The following ENOX1 variants were observed in gnomAD, a reference collection of about 807,000 sequenced individuals.
The protein encoded by ENOX1 is ecto-NOX disulfide-thiol exchanger 1.
A neutral mutation model predicts 82.5 loss-of-function variants in ENOX1; 42 were observed. The observed-to-expected ratio is 0.51, with a 90% CI of 0.40 to 0.66. The LOEUF (loss-of-function observed/expected upper bound fraction) is 0.66, where lower values mean the gene tolerates loss of function less well. Ranked by LOEUF, ENOX1 falls within the 30% of genes least tolerant of loss-of-function variation. ENOX1 has a pLI of 0.00. For synonymous variants in ENOX1, 271 were observed against 282.2 expected (o/e 0.96, Z 0.40); for missense variants, 608 against 811.6 (o/e 0.75, Z 3.05).
At chr13:43,444,317 G>A (rs1250257260) in intron 3 of ENOX1, among the ~76,000 whole-genome samples, 1 of 152,152 alleles carries the variant, frequency 6.6e-6, no homozygotes, top group Non-Finnish European at 1.5e-5. Context: ...CAAGGAGAGC[G>A]GATCATTTTC....
intron 2 of ENOX1, among the ~76,000 whole-genome samples, chr13:43,644,400 T>C (rs566867764): frequency 6.6e-6 from 1 of 152,336 alleles, no homozygotes; most frequent in East Asian, 1.9e-4. Flanking sequence ...ACTTTCCCAT[T>C]AGCATCTAAC....
intron 1 of ENOX1, among the ~76,000 whole-genome samples, chr13:43,679,098 C>A (rs1056131397): frequency 2.6e-5 from 4 of 152,096 alleles, no homozygotes; most frequent in Non-Finnish European, 5.9e-5. Flanking sequence ...TATACTATAC[C>A]CTCAACCACT....
intron 3 of ENOX1, among the ~76,000 whole-genome samples, chr13:43,426,380 A>G (rs1269868453): frequency 2.0e-5 from 3 of 152,144 alleles, no homozygotes; most frequent in African/African-American, 7.2e-5. Context: ...CTTTGTGGGA[A>G]CTGCAATATA....
intron 3 of ENOX1, among the ~76,000 whole-genome samples, chr13:43,432,316 G>A (rs1301939994): frequency 3.3e-5 from 5 of 152,044 alleles, no homozygotes; most frequent in East Asian, 1.9e-4. Context: ...TATAGTAATC[G>A]CCAGAAGTTA....
intron 14 of ENOX1, among the ~76,000 whole-genome samples, chr13:43,245,737 C>T (rs764511843): frequency 1.3e-5 from 2 of 152,088 alleles, no homozygotes; most frequent in Non-Finnish European, 2.9e-5. Flanking sequence ...CTCAGAGGCC[C>T]AATAGTTTTC....
chr13:43,661,473 G>A (rs1351201236), intron 2 of ENOX1, among the ~76,000 whole-genome samples: 2 of 152,162 alleles, frequency 1.3e-5, no homozygotes, highest in Non-Finnish European at 2.9e-5. Flanking sequence ...AAAGTACAAT[G>A]AGCCCACAAT....
At chr13:43,533,445 T>G (rs1050060268) in intron 2 of ENOX1, among the ~76,000 whole-genome samples, 1 of 151,310 alleles carries the variant, frequency 6.6e-6, no homozygotes, top group Non-Finnish European at 1.5e-5. Flanking sequence ...CTCTGATATA[T>G]TTTTTCCATT....
chr13:43,670,362 T>G (rs540831869), intron 1 of ENOX1, among the ~76,000 whole-genome samples: 48 of 152,298 alleles, frequency 3.2e-4, no homozygotes, highest in Middle Eastern at 6.8e-3. Flanking sequence ...CACTCTTTAT[T>G]TTCAACATAT....
rs1950501923 is a variant in ENOX1, at chr13:43,754,150, A to G, written c.-285+32502T>C. Among the ~76,000 whole-genome samples, 3 of 118,822 alleles carry G rather than the reference A, an allele frequency of 2.5e-5. No homozygotes were observed. In the South Asian group the frequency reaches 9.3e-4, roughly 37 times the overall value. 78.0% of individuals were successfully genotyped at this position (118,822 alleles called of 152,430 possible). A position where few individuals can be genotyped will look rare whatever the true frequency, so the allele number is the denominator to read the frequency against. On this transcript the variant is annotated intron_variant, in intron 1 of 16. Transcript: ENST00000690772. Reference sequence around the variant, plus strand: ...CGTATATACGTATATACACATATATACATATGTATATATGTATACATTACA... The same window carrying G: ...CGTATATACGTATATACACATATATGCATATGTATATATGTATACATTACA...
intron 8 of ENOX1, among the ~76,000 whole-genome samples, chr13:43,353,597 G>C (rs1174796424): frequency 6.6e-6 from 1 of 152,200 alleles, no homozygotes; most frequent in Non-Finnish European, 1.5e-5. Context: ...ATTATAAGGA[G>C]CATGGAGTGG....
intron 3 of ENOX1, among the ~76,000 whole-genome samples, chr13:43,425,363 T>G (rs564256959): frequency 6.6e-6 from 1 of 152,302 alleles, no homozygotes; most frequent in African/African-American, 2.4e-5. Context: ...AAAACACTGT[T>G]GCTACAGACC....
chr13:43,365,545 C>A (rs1247105222), intron 5 of ENOX1, among the ~76,000 whole-genome samples: 1 of 149,358 alleles, frequency 6.7e-6, no homozygotes, highest in African/African-American at 2.6e-5. Flanking sequence ...GGGCCTGCAC[C>A]CCCTGGTCCA....
chr13:43,457,017 T>G (rs1594721575), intron 3 of ENOX1, among the ~76,000 whole-genome samples: 2 of 152,282 alleles, frequency 1.3e-5, no homozygotes, highest in South Asian at 2.1e-4. Flanking sequence ...CCCTGCTTTG[T>G]GGTTTTTAAA....
intron 2 of ENOX1, among the ~76,000 whole-genome samples, chr13:43,662,922 A>G (rs2084804308): frequency 6.6e-6 from 1 of 152,242 alleles, no homozygotes; most frequent in African/African-American, 2.4e-5. Context: ...CACAAGGGAT[A>G]AAATCATTCA....
intron 9 of ENOX1, 43 bp downstream of exon 9, chr13:43,344,495 G>A: frequency 6.6e-7 from 1 of 1,507,196 alleles, no homozygotes; most frequent in South Asian, 1.2e-5. Context: ...AAAAGAAAAG[G>A]CAAAATCACA....
At chr13:43,439,435 C>T (rs898486782) in intron 3 of ENOX1, among the ~76,000 whole-genome samples, 2 of 151,940 alleles carry the variant, frequency 1.3e-5, no homozygotes, top group African/African-American at 4.8e-5. Context: ...CTCCTGACCT[C>T]GTGATCTGCC....
chr13:43,445,272 C>G (rs187834576), intron 3 of ENOX1, among the ~76,000 whole-genome samples: 1 of 151,138 alleles, frequency 6.6e-6, no homozygotes, highest in Middle Eastern at 3.2e-3. Context: ...TACAGGCACC[C>G]ACCACCACGC....
chr13:43,772,768 AAAAG>A (rs1951715731), intron 1 of ENOX1, among the ~76,000 whole-genome samples: 1 of 151,394 alleles, frequency 6.6e-6, no homozygotes, highest in Non-Finnish European at 1.5e-5. Flanking sequence ...AAAAAAAAAA[AAAAG>A]AAGGAAAGAG....
At chr13:43,268,712 C>T (rs1397676767) in intron 13 of ENOX1, among the ~76,000 whole-genome samples, 1 of 152,142 alleles carries the variant, frequency 6.6e-6, no homozygotes, top group Non-Finnish European at 1.5e-5. Flanking sequence ...AAACAATCTG[C>T]ATTTGATTAC....
Sources: gnomAD v4.1 joint callset for allele counts (sites outside exome capture counted in the v4.1 genomes callset) on GRCh38, gnomAD v4.1.1 for gene constraint, MANE v1.5 for transcripts, NCBI Gene and HGNC (gene_info 2026-07-23, HGNC 2026-07-21) for gene names.